SLAMF9: variants seen among roughly 807,000 people sequenced by gnomAD.
SLAMF9 encodes the protein SLAM family member 9.
A neutral mutation model predicts 30.4 loss-of-function variants in SLAMF9; 25 were observed. The ratio of observed to expected loss-of-function variants is 0.82; its 90% CI spans 0.60 to 1.15. The LOEUF is 1.15. SLAMF9 is among the 50% of genes most tolerant of loss of function. SLAMF9 has a pLI of 0.00. For missense variants in SLAMF9, 344 were observed against 346.1 expected, an observed-to-expected ratio of 0.99 and a Z score of 0.05; for synonymous variants, 129 against 127.2, an observed-to-expected ratio of 1.01 and a Z score of -0.09.
chr1:159,980,607 T>A, the SLAMF9 span: 2 of 152,420 alleles, frequency 1.3e-5, no homozygotes, highest in Non-Finnish European at 2.9e-5. Flanking sequence ...AATGGTGCGA[T>A]CTCAGTTCAC....
rs748148915 is a variant in SLAMF9 at position 159,952,353 on chromosome 1, C to T, written c.573G>A (p.Pro191=). The T allele has an allele frequency of 1.6e-5, 26 of 1,613,938 alleles. No individual in the cohort carries two copies. The highest frequency in any genetic ancestry group is 1.6e-4 in the Middle Eastern group (1 of 6,084). Residue 191 remains proline (P), a synonymous_variant, in exon 3 of 4, where the codon CCG becomes CCA. Transcript: ENST00000368093. Reference sequence around the variant, plus strand: ...AGGTGTAGGAGAGGGCACTGTCCCCCGGCCTCCAGGATGTGCTGAGGACAG... The same window carrying T: ...AGGTGTAGGAGAGGGCACTGTCCCCTGGCCTCCAGGATGTGCTGAGGACAG... ...EGPVLSTSWR[P]GDSALSYTCR... is the part of the protein sequence containing the mutation.
chr1:159,953,420 A>G lies in SLAMF9; in HGVS notation c.280T>C (p.Ser94Pro). ...CAGCTCAGATTGCTGATATGCAGGGAATAGCTGGGGTCCAGGAAGCTCACT... is the reference window on the plus strand; with the variant it reads ...CAGCTCAGATTGCTGATATGCAGGGGATAGCTGGGGTCCAGGAAGCTCACT... ...GQVSFLDPSY[S>P]LHISNLSWED... Residue 94 changes from serine (S) to proline (P), a missense_variant, in exon 2 of 4, where the codon TCC becomes CCC. Transcript: ENST00000368093. 1 of 1,614,216 alleles carries G rather than the reference A, an allele frequency of 6.2e-7. No individual in the cohort carries two copies. The highest frequency in any genetic ancestry group is 8.5e-7 in the Non-Finnish European group (1 of 1,180,024).
chr1:159,963,346 G>C, the SLAMF9 span, among the ~76,000 whole-genome samples: 2 of 152,060 alleles, frequency 1.3e-5, no homozygotes, highest in Non-Finnish European at 2.9e-5. Flanking sequence ...CATAAGACAC[G>C]AGAATAGGTT....
the SLAMF9 span, among the ~76,000 whole-genome samples, chr1:159,964,913 GC>G: frequency 6.6e-6 from 1 of 152,214 alleles, no homozygotes; most frequent in African/African-American, 2.4e-5. Context: ...CTTGAGGGAA[GC>G]CCTGGGCCAC....
the SLAMF9 span, among the ~76,000 whole-genome samples, chr1:159,981,831 G>A: frequency 6.6e-6 from 1 of 152,260 alleles, no homozygotes; most frequent in Non-Finnish European, 1.5e-5. Flanking sequence ...GCCTCGCTAA[G>A]AGGCGAGCTC....
chr1:159,957,616 CCAT>C (rs1270045527), upstream of SLAMF9, among the ~76,000 whole-genome samples: 15 of 152,088 alleles, frequency 9.9e-5, no homozygotes, highest in Admixed American at 3.9e-4. Flanking sequence ...GAGCGAGACT[CCAT>C]CTAAAAAAAA....
At chr1:159,955,095 AAG>A (rs1487589794), upstream of SLAMF9, among the ~76,000 whole-genome samples, 1 of 151,940 alleles carries the variant, frequency 6.6e-6, no homozygotes, top group Non-Finnish European at 1.5e-5. Flanking sequence ...AAAAAAAAAA[AAG>A]AGAGAAGAAA....
chr1:159,952,191 T>TG, intron 3 of SLAMF9, 71 bp downstream of exon 3: 1 of 1,555,168 alleles, frequency 6.4e-7, no homozygotes, highest in South Asian at 1.2e-5. Context: ...TGGGAAGAGC[T>TG]GGGGGAGGGA....
At chr1:159,981,519 G>A in the SLAMF9 span, among the ~76,000 whole-genome samples, 2 of 152,224 alleles carry the variant, frequency 1.3e-5, no homozygotes, top group African/African-American at 4.8e-5. Context: ...AGCCAGAGGG[G>A]AAACAGCCTT....
At chr1:159,968,316 A>G in the SLAMF9 span, among the ~76,000 whole-genome samples, 5 of 152,104 alleles carry the variant, frequency 3.3e-5, no homozygotes, top group African/African-American at 1.2e-4. Context: ...ACCCCATCTC[A>G]TTTTTGTAAT....
chr1:159,953,614 T>C lies in SLAMF9; in HGVS notation c.86A>G (p.Glu29Gly). 6.2e-7 allele frequency: 1 copy of C among 1,609,316 alleles called. No individual in the cohort carries two copies. Among genetic ancestry groups the C allele is most frequent in the Non-Finnish European group, 8.5e-7 (1 of 1,177,090 alleles). The change falls in exon 2 of 4, where the codon GAA becomes GGA. Residue 29 changes from glutamate (E) to glycine (G), a missense_variant. By Grantham distance (98) the Glu-to-Gly change is moderately conservative. Coordinates refer to ENST00000368093, the MANE Select transcript of SLAMF9 (RefSeq NM_033438.4). The part of the protein sequence containing the change: ...RRLWRWCGSE[E>G]VVAVLQESIS... ...GGACTCCTGAAGGACCGCAACCACT[T>C]CCTCGGATCCACACCATCTCCAGAG...
the SLAMF9 span, among the ~76,000 whole-genome samples, chr1:159,964,205 A>G: frequency 6.6e-6 from 1 of 152,210 alleles, no homozygotes; most frequent in African/African-American, 2.4e-5. Flanking sequence ...TTTGGGAATC[A>G]CTACACTTCA....
chr1:159,974,084 G>A, the SLAMF9 span: 2 of 1,548,796 alleles, frequency 1.3e-6, no homozygotes, highest in Non-Finnish European at 1.8e-6. Flanking sequence ...AGAGGAACAG[G>A]GCAGCCCTGG....
At chr1:159,959,943 T>C in the SLAMF9 span, among the ~76,000 whole-genome samples, 1 of 152,096 alleles carries the variant, frequency 6.6e-6, no homozygotes, top group Non-Finnish European at 1.5e-5. Flanking sequence ...AGACCCATTC[T>C]AACATCTTGC....
At chr1:159,953,203 C>A in intron 2 of SLAMF9, 106 bp downstream of exon 2, 2 of 899,836 alleles carry the variant, frequency 2.2e-6, no homozygotes, top group Non-Finnish European at 3.5e-6. Flanking sequence ...GCCTCCAGTT[C>A]TAGCCCCTCA....
chr1:159,971,401 C>G, the SLAMF9 span, among the ~76,000 whole-genome samples: 3 of 152,120 alleles, frequency 2.0e-5, no homozygotes, highest in African/African-American at 4.8e-5. Context: ...ACAAACCAAC[C>G]AATCAAACTG....
At chr1:159,971,951 CA>C in the SLAMF9 span, among the ~76,000 whole-genome samples, 4 of 152,050 alleles carry the variant, frequency 2.6e-5, no homozygotes, top group African/African-American at 7.2e-5. Flanking sequence ...CAAAACAAAA[CA>C]AAAAAACTTG....
rs572800730 is a variant in SLAMF9 at position 159,952,520 on chromosome 1, G to T, written c.406C>A (p.Pro136Thr). The T allele has an allele frequency of 4.3e-6, 7 of 1,613,752 alleles. No homozygotes were observed. In the Admixed American group the frequency reaches 1.2e-4, roughly 27 times the overall value. The change falls in exon 3 of 4, where the codon CCC becomes ACC. Residue 136 changes from proline (P) to threonine (T), a missense_variant. Coordinates refer to ENST00000368093, the MANE Select transcript of SLAMF9 (RefSeq NM_033438.4). ...CTCTCAAAGTTCACAGTGATCTGGGGCTCTGACAGCCATCCTGGATGAAGG... is the reference window on the plus strand; with the variant it reads ...CTCTCAAAGTTCACAGTGATCTGGGTCTCTGACAGCCATCCTGGATGAAGG... ...NICVYRWLSEPQITVNFESSG... is the reference protein window; with the variant it reads ...NICVYRWLSETQITVNFESSG...
At chr1:159,952,087 G>A (rs1292886016) in intron 3 of SLAMF9, among the ~76,000 whole-genome samples, 175 bp downstream of exon 3, 4 of 152,206 alleles carry the variant, frequency 2.6e-5, no homozygotes, top group Non-Finnish European at 5.9e-5. Context: ...ACCTTTGGAA[G>A]TTGGGGGCAC....
Sources: allele counts gnomAD v4.1 joint callset (sites outside exome capture counted in the v4.1 genomes callset), GRCh38; gene constraint gnomAD v4.1.1; transcripts MANE v1.5; gene names NCBI Gene and HGNC (gene_info 2026-07-23, HGNC 2026-07-21).